Variants in KCNH1 observed in about 807,000 individuals in gnomAD.
KCNH1 encodes voltage-gated delayed rectifier potassium channel KCNH1.
Under a neutral mutation model 69.2 loss-of-function variants are expected in KCNH1, and 27 were observed. The observed-to-expected ratio is 0.39, with a 90% CI of 0.29 to 0.54. KCNH1 has a LOEUF of 0.54. Among genes scored for constraint, KCNH1 ranks in the 20% least tolerant of loss-of-function variants. KCNH1 has a pLI of 0.68. For missense variants in KCNH1, 798 were observed against 1,261.6 expected (o/e 0.63, Z 5.57); for synonymous variants, 456 against 487.7 (o/e 0.93, Z 0.86).
At chr1:211,002,385 G>C (rs572672114) in intron 6 of KCNH1, among the ~76,000 whole-genome samples, 1 of 147,644 alleles carries the variant, frequency 6.8e-6, no homozygotes, top group South Asian at 2.2e-4. Context: ...CACCATCCTA[G>C]GGCCCAAAAC....
chr1:210,970,980 A>G (rs368190976), intron 6 of KCNH1, among the ~76,000 whole-genome samples: 35 of 152,326 alleles, frequency 2.3e-4, no homozygotes, highest in South Asian at 1.9e-3. Flanking sequence ...AAAAGTGGGC[A>G]GAGGACATGA....
At chr1:211,039,816 C>T (rs559752266) in intron 5 of KCNH1, among the ~76,000 whole-genome samples, 65 of 152,282 alleles carry the variant, frequency 4.3e-4, no homozygotes, top group African/African-American at 1.6e-3. Flanking sequence ...TTTGATTTTA[C>T]AGGCTCATAG....
chr1:210,772,802 C>G (rs917765880), intron 10 of KCNH1, among the ~76,000 whole-genome samples: 1 of 152,050 alleles, frequency 6.6e-6, no homozygotes, highest in African/African-American at 2.4e-5. Context: ...TTATACTGTG[C>G]CAAAATCTGT....
intron 5 of KCNH1, among the ~76,000 whole-genome samples, chr1:211,048,342 A>G (rs1214166904): frequency 6.6e-6 from 1 of 152,206 alleles, no homozygotes; most frequent in East Asian, 1.9e-4. Flanking sequence ...GTATCTACCC[A>G]GAGGAAAGTA....
chr1:211,053,466 G>A (rs4131711), intron 5 of KCNH1, among the ~76,000 whole-genome samples: 11,603 of 152,182 alleles, frequency 0.076, 633 homozygotes, highest in South Asian at 0.13. Context: ...GCTCCTGCTG[G>A]AGCGACAAGG....
chr1:210,978,039 TAA>T (rs1326984650), intron 6 of KCNH1, among the ~76,000 whole-genome samples: 1 of 151,090 alleles, frequency 6.6e-6, no homozygotes, highest in Non-Finnish European at 1.5e-5. Flanking sequence ...TACTCTCCTT[TAA>T]TTTTTTTTTT....
intron 6 of KCNH1, among the ~76,000 whole-genome samples, chr1:210,986,927 G>T (rs1014670626): frequency 6.6e-6 from 1 of 152,194 alleles, no homozygotes; most frequent in Admixed American, 6.5e-5. Context: ...ATACCAGTCA[G>T]ATGTAGATTT....
At chr1:211,059,470 C>T (rs534727416) in intron 5 of KCNH1, among the ~76,000 whole-genome samples, 2 of 150,526 alleles carry the variant, frequency 1.3e-5, no homozygotes, top group African/African-American at 4.9e-5. Flanking sequence ...GGGCTGGGCA[C>T]GGTGGCTTAT....
chr1:211,011,290 C>T (rs1689388566), intron 6 of KCNH1, among the ~76,000 whole-genome samples: 2 of 152,154 alleles, frequency 1.3e-5, no homozygotes, highest in African/African-American at 2.4e-5. Flanking sequence ...ATCCATGTCC[C>T]TGCAAAAGAC....
chr1:210,944,203 GT>G (rs932643744), intron 6 of KCNH1, among the ~76,000 whole-genome samples: 1 of 152,172 alleles, frequency 6.6e-6, no homozygotes, highest in Non-Finnish European at 1.5e-5. Context: ...TCATAAGGGT[GT>G]TTTTTAGAAA....
intron 6 of KCNH1, among the ~76,000 whole-genome samples, chr1:210,956,605 T>C (rs866441784): frequency 2.0e-5 from 3 of 151,208 alleles, no homozygotes; most frequent in South Asian, 2.1e-4. Flanking sequence ...GTTATTCGTC[T>C]ATTCAGAGAT....
rs188020145 is a variant in KCNH1 at position 210,763,751 on chromosome 1, T to C, written c.2112+11597A>G. Among the ~76,000 whole-genome samples the C allele has an allele frequency of 1.6e-4, 25 of 152,286 alleles. No homozygotes were observed. The South Asian group carries it at 1.7e-3, about 10-fold the overall frequency. Reference sequence around the variant, plus strand: ...CAAACAGAAAAGCATTCCATACTTATGAATTGGAAGAATCAGCATCATTAA... The same window carrying C: ...CAAACAGAAAAGCATTCCATACTTACGAATTGGAAGAATCAGCATCATTAA... On this transcript the variant is annotated intron_variant, in intron 10 of 10. Coordinates refer to ENST00000271751, the MANE Select transcript of KCNH1 (RefSeq NM_172362.3).
intron 10 of KCNH1, among the ~76,000 whole-genome samples, chr1:210,710,206 A>G (rs6665545): frequency 0.17 from 25,114 of 152,072 alleles, 5,452 homozygotes; most frequent in African/African-American, 0.5. Flanking sequence ...AAGGTAGAGT[A>G]AAAACACAAT....
intron 7 of KCNH1, among the ~76,000 whole-genome samples, chr1:210,830,369 G>A (rs1377783031): frequency 6.6e-6 from 1 of 152,182 alleles, no homozygotes; most frequent in Non-Finnish European, 1.5e-5. Flanking sequence ...GCCCAGCTCT[G>A]GCAAATAAAA....
Position 210,805,610 on chromosome 1 carries a change from C to T in KCNH1, c.1463-1444G>A, listed in dbSNP as rs148599288. On this transcript the variant is annotated intron_variant, in intron 7 of 10. Transcript: ENST00000271751. ...ATCTTTTATTAAGATATAATTCATACACCATAAAATGTATCCATTTAAAGT... is the reference window on the plus strand; with the variant it reads ...ATCTTTTATTAAGATATAATTCATATACCATAAAATGTATCCATTTAAAGT... Among the ~76,000 whole-genome samples the T allele has an allele frequency of 6.3e-3, 956 of 152,288 alleles. 6 individuals carry two copies. The highest frequency in any genetic ancestry group is 0.017 in the Middle Eastern group (5 of 294).
chr1:210,863,332 T>C (rs1379226839), intron 7 of KCNH1, among the ~76,000 whole-genome samples: 1 of 152,174 alleles, frequency 6.6e-6, no homozygotes, highest in Non-Finnish European at 1.5e-5. Context: ...CTCTTCATTT[T>C]ACAAAAGACA....
At chr1:211,096,850 A>T (rs1030351763) in intron 3 of KCNH1, among the ~76,000 whole-genome samples, 1 of 152,234 alleles carries the variant, frequency 6.6e-6, no homozygotes, top group Non-Finnish European at 1.5e-5. Flanking sequence ...AATAACAGGG[A>T]CTACCTACTA....
At chr1:210,884,623 G>GCAC (rs1384577531) in intron 7 of KCNH1, among the ~76,000 whole-genome samples, 5 of 152,284 alleles carry the variant, frequency 3.3e-5, no homozygotes, top group South Asian at 4.1e-4. Flanking sequence ...AAGAGCAGCA[G>GCAC]CACCCAAGAA....
rs78960328 is a variant in KCNH1 at position 210,780,334 on chromosome 1, T to C, written c.1916-4790A>G. ...CTATTATATGCTCTTTTAAGGACTA[T>C]CTCACAGTGTTATAATGTACTCCAC... On this transcript the variant is annotated intron_variant, in intron 9 of 10. Transcript: ENST00000271751. Among the ~76,000 whole-genome samples, 19 of 152,338 alleles carry C rather than the reference T, an allele frequency of 1.2e-4. 1 individual carries two copies. The East Asian group carries it at 3.3e-3, about 26-fold the overall frequency.
Sources: allele counts gnomAD v4.1 joint callset (sites outside exome capture counted in the v4.1 genomes callset), GRCh38; gene constraint gnomAD v4.1.1; transcripts MANE v1.5; gene names NCBI Gene and HGNC (gene_info 2026-07-23, HGNC 2026-07-21).